LRBA: variants seen among roughly 807,000 people sequenced by gnomAD.
LRBA encodes LPS responsive beige-like anchor protein.
A neutral mutation model predicts 330.0 loss-of-function variants in LRBA; 176 were observed. The observed-to-expected ratio is 0.53, with a 90% CI of 0.47 to 0.60. The LOEUF (loss-of-function observed/expected upper bound fraction) is 0.60. Ranked by LOEUF, LRBA falls within the 20% of genes least tolerant of loss-of-function variation. The probability of loss-of-function intolerance (pLI) is 0.00; values close to 1 mark genes in which losing one functional copy is unlikely to be tolerated. For synonymous variants in LRBA, 1,230 were observed against 1,193.0 expected, an observed-to-expected ratio of 1.03 and a Z score of -0.64; for missense variants, 3,259 against 3,444.8, an observed-to-expected ratio of 0.95 and a Z score of 1.35.
At chr4:150,770,015 C>A (rs1403074703) in intron 34 of LRBA, among the ~76,000 whole-genome samples, 1 of 152,176 alleles carries the variant, frequency 6.6e-6, no homozygotes, top group Non-Finnish European at 1.5e-5. Context: ...GGTTGTTCCA[C>A]AACAGATCAG....
At chr4:150,909,827 TTTTG>T (rs2127171051) in intron 9 of LRBA, among the ~76,000 whole-genome samples, 1 of 152,304 alleles carries the variant, frequency 6.6e-6, no homozygotes, top group East Asian at 1.9e-4. Context: ...ACACTTGTTA[TTTTG>T]TTTTCTTTTT....
intron 2 of LRBA, among the ~76,000 whole-genome samples, chr4:151,010,225 T>C (rs868454146): frequency 2.0e-5 from 3 of 152,144 alleles, no homozygotes; most frequent in Non-Finnish European, 4.4e-5. Flanking sequence ...CACCAGCTCA[T>C]GGGAATCACT....
At chr4:151,015,626 A>C (rs1211778617), upstream of LRBA, 2 of 152,440 alleles carry the variant, frequency 1.3e-5, no homozygotes, top group African/African-American at 4.8e-5. Context: ...GGCTGCTGCG[A>C]GTGGTGAGGA....
At chr4:150,793,397 A>T (rs1381035631) in intron 34 of LRBA, among the ~76,000 whole-genome samples, 1 of 152,222 alleles carries the variant, frequency 6.6e-6, no homozygotes, top group Non-Finnish European at 1.5e-5. Context: ...GGTAATGATA[A>T]AATTAGTTGT....
At chr4:150,615,391 T>C (rs1288316943) in intron 37 of LRBA, among the ~76,000 whole-genome samples, 1 of 152,168 alleles carries the variant, frequency 6.6e-6, no homozygotes, top group East Asian at 1.9e-4. Context: ...GGAAAGAGTG[T>C]CCAGTTTATA....
intron 36 of LRBA, among the ~76,000 whole-genome samples, chr4:150,730,117 C>T (rs1730238633): frequency 6.6e-6 from 1 of 152,122 alleles, no homozygotes; most frequent in African/African-American, 2.4e-5. Flanking sequence ...CCCATAGTCA[C>T]AAGCAACCAA....
chr4:150,949,302 G>A (rs538998080), intron 2 of LRBA, among the ~76,000 whole-genome samples: 9 of 152,136 alleles, frequency 5.9e-5, no homozygotes, highest in Middle Eastern at 3.4e-3. Flanking sequence ...CAATCTAGAA[G>A]AATCTCCAGA....
At chr4:150,474,627 A>C (rs1756512499) in intron 42 of LRBA, among the ~76,000 whole-genome samples, 1 of 152,148 alleles carries the variant, frequency 6.6e-6, no homozygotes, top group Admixed American at 6.6e-5. Context: ...TGAACATGGA[A>C]TGTCTCCATT....
intron 13 of LRBA, among the ~76,000 whole-genome samples, chr4:150,903,288 G>A (rs765218481): frequency 2.0e-5 from 3 of 152,172 alleles, no homozygotes; most frequent in Non-Finnish European, 4.4e-5. Context: ...AGGAGGCTGA[G>A]GCAGGAGGAC....
intron 40 of LRBA, among the ~76,000 whole-genome samples, chr4:150,510,465 G>T (rs889486904): frequency 6.6e-6 from 1 of 152,182 alleles, no homozygotes; most frequent in Non-Finnish European, 1.5e-5. Context: ...TCTCTGTCTT[G>T]AGACTTACTG....
chr4:150,639,833 A>ATGTG (rs1778458595), intron 37 of LRBA, among the ~76,000 whole-genome samples: 2 of 20,422 alleles, frequency 9.8e-5, no homozygotes, highest in African/African-American at 2.2e-4. Context: ...ATATATATAT[A>ATGTG]TATATATATA....
chr4:150,639,360 T>TAAAAAAAAAAAAAGAAAA (rs371245495), intron 37 of LRBA, among the ~76,000 whole-genome samples: 1 of 106,694 alleles, frequency 9.4e-6, no homozygotes, highest in Non-Finnish European at 1.8e-5. Context: ...TAAAGTATAA[T>TAAAAAAAAAAAAAGAAAA]AAAAAAAAAA....
chr4:150,905,816 T>A (rs371730154), intron 13 of LRBA, 22 bp downstream of exon 13: 9 of 1,548,780 alleles, frequency 5.8e-6, no homozygotes, highest in South Asian at 1.2e-5. Context: ...TAAAACAATA[T>A]CAATATATAG....
chr4:150,394,751 T>C (rs1744476513), intron 47 of LRBA, among the ~76,000 whole-genome samples: 1 of 152,114 alleles, frequency 6.6e-6, no homozygotes, highest in Admixed American at 6.6e-5. Context: ...TATTTGAAAA[T>C]AGAATGTTGA....
At chr4:150,722,201 C>T (rs1235437440) in intron 36 of LRBA, among the ~76,000 whole-genome samples, 1 of 151,860 alleles carries the variant, frequency 6.6e-6, no homozygotes, top group Non-Finnish European at 1.5e-5. Flanking sequence ...ATTTCCACAC[C>T]CAGAAAAAAA....
intron 37 of LRBA, among the ~76,000 whole-genome samples, chr4:150,635,136 G>A (rs778932835): frequency 2.6e-5 from 4 of 152,114 alleles, no homozygotes; most frequent in Non-Finnish European, 4.4e-5. Flanking sequence ...CATCCGAGAC[G>A]GAGTTTCTTT....
chr4:150,432,450 G>GTTTTT (rs1235370407), intron 46 of LRBA, among the ~76,000 whole-genome samples: 22 of 70,826 alleles, frequency 3.1e-4, no homozygotes, highest in Non-Finnish European at 5.3e-4. Flanking sequence ...ATTTAAGTGT[G>GTTTTT]TTCTTTTTTT....
intron 37 of LRBA, among the ~76,000 whole-genome samples, chr4:150,612,531 T>G (rs1775378704): frequency 6.6e-6 from 1 of 152,226 alleles, no homozygotes. Flanking sequence ...TCCTAGATAC[T>G]TTCTAGTACT....
In LRBA at chr4:150,321,121, G is replaced by T; in HGVS notation, c.7630+70C>A. The T allele has an allele frequency of 1.6e-6, 2 of 1,254,652 alleles. No individual in the cohort carries two copies. Among genetic ancestry groups the T allele is most frequent in the Non-Finnish European group, 2.2e-6 (2 of 898,798 alleles). The allele number at this position is 1,254,652 out of a possible 1,614,324, so 77.7% of individuals were successfully genotyped here. A position where few individuals can be genotyped will look rare whatever the true frequency, so the allele number is the denominator to read the frequency against. On this transcript the variant is annotated intron_variant, in intron 50 of 56. Transcript: ENST00000651943. The surrounding 1 kb of genome is among the most constrained non-coding windows in gnomAD (Gnocchi z 4.5). ...ATTAAAAGCTTAAATGTTGAGATAT[G>T]CTATATTTAAGTGGGTATTACACAG...
Sources: gnomAD v4.1 joint callset for allele counts (sites outside exome capture counted in the v4.1 genomes callset) on GRCh38, gnomAD v4.1.1 for gene constraint, Gnocchi (gnomAD v3.1) non-coding constraint, MANE v1.5 for transcripts, NCBI Gene and HGNC (gene_info 2026-07-23, HGNC 2026-07-21) for gene names.